SGCD: variants seen among roughly 807,000 people sequenced by gnomAD.
The protein encoded by SGCD is sarcoglycan delta, also known as delta-sarcoglycan.
SGCD carries 18 observed loss-of-function variants against 36.6 expected under a neutral mutation model. The ratio of observed to expected loss-of-function variants is 0.49; its 90% CI spans 0.34 to 0.73. The LOEUF (loss-of-function observed/expected upper bound fraction) is 0.73, where lower values mean the gene tolerates loss of function less well. SGCD is among the 30% of genes least tolerant of loss of function. The probability of loss-of-function intolerance (pLI) is 0.01; values close to 1 mark genes in which losing one functional copy is unlikely to be tolerated. For missense variants in SGCD, 387 were observed against 346.7 expected, an observed-to-expected ratio of 1.12 and a Z score of -0.92; for synonymous variants, 133 against 130.6, an observed-to-expected ratio of 1.02 and a Z score of -0.12.
chr5:156,152,285 CCTGA>C (rs1468837233), intron 3 of SGCD, among the ~76,000 whole-genome samples: 9 of 151,502 alleles, frequency 5.9e-5, no homozygotes, highest in South Asian at 2.1e-4. Context: ...TCTTTATAGT[CCTGA>C]CTATTTTAAA....
At chr5:156,002,951 A>G (rs1758692587) in intron 1 of SGCD, among the ~76,000 whole-genome samples, 1 of 152,218 alleles carries the variant, frequency 6.6e-6, no homozygotes. Flanking sequence ...TTTTAGTGTC[A>G]CCTTCTTGCT....
the SGCD span, among the ~76,000 whole-genome samples, chr5:155,804,107 C>T: frequency 1.3e-5 from 2 of 152,146 alleles, no homozygotes; most frequent in African/African-American, 2.4e-5. Context: ...TGGAGTTGGA[C>T]GTGACCTCTG....
intron 7 of SGCD, among the ~76,000 whole-genome samples, chr5:156,703,599 C>T (rs565731332): frequency 6.6e-6 from 1 of 152,180 alleles, no homozygotes; most frequent in African/African-American, 2.4e-5. Flanking sequence ...CTAGGCAACG[C>T]TTTTACTAAG....
intron 3 of SGCD, among the ~76,000 whole-genome samples, chr5:156,170,075 G>T (rs1581143960): frequency 1.3e-5 from 2 of 152,166 alleles, no homozygotes; most frequent in East Asian, 3.9e-4. Context: ...TTGCGGCCAG[G>T]CCCTGAAGAA....
intron 2 of SGCD, among the ~76,000 whole-genome samples, chr5:156,332,677 G>A (rs367637526): frequency 2.6e-5 from 4 of 152,186 alleles, no homozygotes; most frequent in African/African-American, 7.2e-5. Context: ...GAGCAGAGTC[G>A]CAGGAGGACA....
At chr5:155,841,343 G>A in the SGCD span, among the ~76,000 whole-genome samples, 2 of 152,206 alleles carry the variant, frequency 1.3e-5, no homozygotes, top group Non-Finnish European at 1.5e-5. Flanking sequence ...GTGGGAATGT[G>A]TATATGCATA....
At chr5:155,895,328 G>T (rs757020947) in intron 1 of SGCD, among the ~76,000 whole-genome samples, 1 of 152,152 alleles carries the variant, frequency 6.6e-6, no homozygotes, top group Non-Finnish European at 1.5e-5. Context: ...CTCTTCAAAC[G>T]CATTTCAAAA....
chr5:156,264,333 A>G (rs1300888605), intron 3 of SGCD, among the ~76,000 whole-genome samples: 1 of 152,104 alleles, frequency 6.6e-6, no homozygotes, highest in East Asian at 1.9e-4. Flanking sequence ...CTTTAAAACT[A>G]CTAGAAAGAA....
intron 1 of SGCD, among the ~76,000 whole-genome samples, chr5:155,924,384 A>G (rs1408216260): frequency 3.9e-5 from 6 of 152,218 alleles, no homozygotes; most frequent in African/African-American, 7.2e-5. Context: ...TTTCATCACA[A>G]TGGATCATCA....
chr5:156,652,095 G>T (rs1763484592), intron 7 of SGCD, among the ~76,000 whole-genome samples: 1 of 152,016 alleles, frequency 6.6e-6, no homozygotes, highest in South Asian at 2.1e-4. Flanking sequence ...AAATGCTATT[G>T]ATTTTTGTAC....
intron 3 of SGCD, among the ~76,000 whole-genome samples, chr5:156,504,955 T>C (rs1581090881): frequency 6.6e-6 from 1 of 152,336 alleles, no homozygotes; most frequent in East Asian, 1.9e-4. Flanking sequence ...TGTAAACATA[T>C]CAATGTCTTC....
At chr5:155,954,947 G>T (rs889989320) in intron 1 of SGCD, among the ~76,000 whole-genome samples, 1 of 152,104 alleles carries the variant, frequency 6.6e-6, no homozygotes, top group South Asian at 2.1e-4. Flanking sequence ...AAGCAGACAG[G>T]CTCGAGACCC....
In SGCD at chr5:156,572,202, T is replaced by C. The variant is rs139998091; in HGVS notation, c.295-17029T>C. Reference sequence around the variant, plus strand: ...TTGATTATTATGAATAGTGCTACTATGAGCATTTGTGTACAAGTTTTTGTT... The same window carrying C: ...TTGATTATTATGAATAGTGCTACTACGAGCATTTGTGTACAAGTTTTTGTT... On this transcript the variant is annotated intron_variant, in intron 4 of 8. Transcript: ENST00000337851. Among the ~76,000 whole-genome samples the C allele has an allele frequency of 4.5e-3, 680 of 152,360 alleles. 4 individuals carry two copies. Among genetic ancestry groups the C allele is most frequent in the African/African-American group, 0.014 (564 of 41,590 alleles).
intron 7 of SGCD, among the ~76,000 whole-genome samples, chr5:156,745,425 G>A (rs527545793): frequency 2.0e-5 from 3 of 152,312 alleles, no homozygotes; most frequent in Non-Finnish European, 4.4e-5. Flanking sequence ...CCAAGTTCAC[G>A]GTGGCACCAG....
intron 1 of SGCD, among the ~76,000 whole-genome samples, chr5:155,883,824 T>C (rs1166428975): frequency 3.5e-5 from 5 of 141,394 alleles, no homozygotes; most frequent in Non-Finnish European, 7.6e-5. Flanking sequence ...AGAAAAGCAC[T>C]ATTTTGGAAT....
chr5:155,828,804 A>G, the SGCD span, among the ~76,000 whole-genome samples: 2 of 151,794 alleles, frequency 1.3e-5, no homozygotes, highest in Non-Finnish European at 2.9e-5. Context: ...CCCCTGCCTC[A>G]GCCTCCCAAG....
chr5:155,872,110 G>A (rs1333622383), intron 1 of SGCD, among the ~76,000 whole-genome samples: 3 of 152,136 alleles, frequency 2.0e-5, no homozygotes, highest in Admixed American at 6.5e-5. Flanking sequence ...GCCTTTCCCA[G>A]CACCAACAGC....
chr5:156,092,884 C>G (rs1761279364), intron 1 of SGCD, among the ~76,000 whole-genome samples: 1 of 152,176 alleles, frequency 6.6e-6, no homozygotes, highest in Non-Finnish European at 1.5e-5. Context: ...TCTTACAACT[C>G]CTGTTATAGG....
At chr5:156,655,725 A>T (rs1490485272) in intron 7 of SGCD, among the ~76,000 whole-genome samples, 1 of 152,176 alleles carries the variant, frequency 6.6e-6, no homozygotes. Flanking sequence ...CCCTTGAAAT[A>T]AGAAAAATTC....
Sources: gnomAD v4.1 joint callset for allele counts (sites outside exome capture counted in the v4.1 genomes callset) on GRCh38, gnomAD v4.1.1 for gene constraint, MANE v1.5 for transcripts, NCBI Gene and HGNC (gene_info 2026-07-23, HGNC 2026-07-21) for gene names.